Variants in MRPS22 observed in about 807,000 individuals in gnomAD.
MRPS22 encodes small ribosomal subunit protein mS22.
MRPS22 carries 30 observed loss-of-function variants against 44.0 expected under a neutral mutation model. That is an observed-to-expected ratio of 0.68 (90% confidence interval 0.51 to 0.93). The LOEUF (loss-of-function observed/expected upper bound fraction) is 0.93. MRPS22 is among the 40% of genes least tolerant of loss of function. MRPS22 has a pLI of 0.00. For missense variants in MRPS22, 447 were observed against 447.8 expected, an observed-to-expected ratio of 1.00 and a Z score of 0.02; for synonymous variants, 165 against 154.4, an observed-to-expected ratio of 1.07 and a Z score of -0.51.
intron 2 of MRPS22, among the ~76,000 whole-genome samples, chr3:139,347,950 G>A (rs1054885888): frequency 1.3e-5 from 2 of 152,182 alleles, no homozygotes; most frequent in Non-Finnish European, 2.9e-5. Context: ...TTTTGATAAC[G>A]GTTGAGTCTA....
intron 1 of MRPS22, among the ~76,000 whole-genome samples, chr3:139,346,178 C>G (rs901920311): frequency 6.6e-6 from 1 of 152,200 alleles, no homozygotes; most frequent in South Asian, 2.1e-4. Flanking sequence ...AGCCTCTTTC[C>G]TAGCTGCAAT....
intron 6 of MRPS22, among the ~76,000 whole-genome samples, chr3:139,353,920 AC>A (rs1423841744): frequency 6.6e-6 from 1 of 152,226 alleles, no homozygotes; most frequent in Non-Finnish European, 1.5e-5. Flanking sequence ...GTATGTTCTT[AC>A]AAAAAATTAG....
chr3:139,352,793 G>GT lies in MRPS22; in HGVS notation c.878+2dup, dbSNP rs760887292. 2.5e-6 allele frequency: 4 copies of GT among 1,612,792 alleles called. No homozygotes were observed. Among genetic ancestry groups the GT allele is most frequent in the Non-Finnish European group, 3.4e-6 (4 of 1,179,220 alleles). On this transcript the variant is annotated splice_donor_variant, in intron 6 of 7. Coordinates refer to ENST00000680020, the MANE Select transcript of MRPS22 (RefSeq NM_020191.4). LOFTEE classifies it high-confidence loss of function. ...TGATTGACCAGATTCAGAGAGATTTGTAAGTATGATCTTAGTAAGTGAAAG... is the reference window on the plus strand; with the variant it reads ...TGATTGACCAGATTCAGAGAGATTTGTTAAGTATGATCTTAGTAAGTGAAAG...
At position 139,352,934 on chromosome 3, in the gene MRPS22, A is replaced by G. The variant is rs529866896; in HGVS notation, c.878+142A>G. ...CAGTTTATGGATTTGTTCTTTTAGT[A>G]TAACCTAGCTCTCCTAGTTTTTGCT... is the stretch of plus-strand genomic sequence containing the variant. On this transcript the variant is annotated intron_variant, in intron 6 of 7. Coordinates refer to ENST00000680020, the MANE Select transcript of MRPS22 (RefSeq NM_020191.4). 6.6e-6 allele frequency: 6 copies of G among 908,926 alleles called. No individual in the cohort carries two copies. The Middle Eastern group carries it at 1.0e-3, about 154-fold the overall frequency. The allele number at this position is 908,926 out of a possible 1,614,324, so 56.3% of individuals were successfully genotyped here.
intron 1 of MRPS22, chr3:139,344,625 TA>T: frequency 1.5e-6 from 1 of 673,098 alleles, no homozygotes; most frequent in Admixed American, 2.3e-5. Flanking sequence ...TTAGCCATGC[TA>T]AGGAGAAAGC....
chr3:139,353,894 CTTTA>C (rs1271561301), intron 6 of MRPS22, among the ~76,000 whole-genome samples: 1 of 152,070 alleles, frequency 6.6e-6, no homozygotes, highest in Non-Finnish European at 1.5e-5. Flanking sequence ...TCTGAAATTG[CTTTA>C]TTATTAAAAC....
At chr3:139,347,573 C>T (rs1372419993) in intron 2 of MRPS22, among the ~76,000 whole-genome samples, 1 of 152,184 alleles carries the variant, frequency 6.6e-6, no homozygotes, top group African/African-American at 2.4e-5. Flanking sequence ...TAGTAGATTA[C>T]ATGAAGAGTA....
chr3:139,348,038 T>G (rs1332032859), intron 2 of MRPS22, 122 bp from the exon 3 acceptor site: 1 of 1,038,782 alleles, frequency 9.6e-7, no homozygotes, highest in Admixed American at 2.2e-5. Flanking sequence ...ACTCACTGAT[T>G]TGTGGCTACA....
chr3:139,350,240 G>T lies in MRPS22; in HGVS notation c.566G>T (p.Arg189Leu), dbSNP rs1192766845. The part of the protein sequence containing the change: ...GTLRKASWEE[R>L]DRMIQVYFPK... Reference sequence around the variant, plus strand: ...CTACGCAAAGCCTCTTGGGAAGAACGGGACCGAATGATACAAGTTTATTTC... The same window carrying T: ...CTACGCAAAGCCTCTTGGGAAGAACTGGACCGAATGATACAAGTTTATTTC... Residue 189 changes from arginine (R) to leucine (L), a missense_variant, in exon 4 of 8, where the codon CGG becomes CTG. By Grantham distance (102) the Arg-to-Leu change is moderately radical. Transcript: ENST00000680020. 34 of 1,613,910 alleles carry T rather than the reference G, an allele frequency of 2.1e-5. No individual in the cohort carries two copies. In the Admixed American group the frequency reaches 5.7e-4, roughly 27 times the overall value.
At position 139,352,802 on chromosome 3, in the gene MRPS22, ATC is replaced by A; in HGVS notation, c.878+12_878+13del. 2 of 1,611,996 alleles carry A rather than the reference ATC, an allele frequency of 1.2e-6. No individual in the cohort carries two copies. The highest frequency in any genetic ancestry group is 2.7e-5 in the African/African-American group (2 of 74,994). On this transcript the variant is annotated intron_variant, in intron 6 of 7. Transcript: ENST00000680020. ...AGATTCAGAGAGATTTGTAAGTATG[ATC>A]TTAGTAAGTGAAAGAATCATTCTTA... is the stretch of plus-strand genomic sequence containing the variant.
chr3:139,350,926 T>A, intron 4 of MRPS22, 51 bp from the exon 5 acceptor site: 1 of 1,454,738 alleles, frequency 6.9e-7, no homozygotes, highest in Non-Finnish European at 9.7e-7. Flanking sequence ...TCAGGACAGG[T>A]GCTGAACTTC....
chr3:139,352,805 T>G lies in MRPS22; in HGVS notation c.878+13T>G. On this transcript the variant is annotated intron_variant, in intron 6 of 7. Transcript: ENST00000680020. ...TTCAGAGAGATTTGTAAGTATGATC[T>G]TAGTAAGTGAAAGAATCATTCTTAT... 1 of 1,611,162 alleles carries G rather than the reference T, an allele frequency of 6.2e-7. No homozygotes were observed. Among genetic ancestry groups the G allele is most frequent in the Non-Finnish European group, 8.5e-7 (1 of 1,178,126 alleles).
intron 5 of MRPS22, 60 bp from the exon 6 acceptor site, chr3:139,352,587 G>T: frequency 2.0e-6 from 3 of 1,513,166 alleles, no homozygotes; most frequent in African/African-American, 2.7e-5. Flanking sequence ...AGTGTACGTT[G>T]AATAATGCTG....
At chr3:139,346,526 A>G (rs1242289194) in intron 1 of MRPS22, among the ~76,000 whole-genome samples, 1 of 152,168 alleles carries the variant, frequency 6.6e-6, no homozygotes, top group Non-Finnish European at 1.5e-5. Flanking sequence ...ATCAGTACCT[A>G]TTTTGTGAGT....
chr3:139,356,819 T>A, intron 7 of MRPS22, 100 bp from the exon 8 acceptor site: 1 of 817,934 alleles, frequency 1.2e-6, no homozygotes, highest in Non-Finnish European at 2.0e-6. Flanking sequence ...TAAGTAGGAC[T>A]CTTTGCTACT....
In MRPS22 at chr3:139,351,156, A is replaced by G. The variant is rs968665641; in HGVS notation, c.732+96A>G. On this transcript the variant is annotated intron_variant, in intron 5 of 7. Transcript: ENST00000680020. ...TGAATTTCGTTGTAAGTTTTGATAC[A>G]GGGGAAAGGGAAGAGAAATACCTGA... 8 of 904,004 alleles carry G rather than the reference A, an allele frequency of 8.8e-6. No homozygotes were observed. The Admixed American group carries it at 1.4e-4, about 16-fold the overall frequency. 56.0% of individuals were successfully genotyped at this position (904,004 alleles called of 1,614,324 possible).
intron 4 of MRPS22, 149 bp from the exon 5 acceptor site, chr3:139,350,828 G>A: frequency 4.2e-6 from 3 of 713,220 alleles, no homozygotes; most frequent in Non-Finnish European, 7.7e-6. Flanking sequence ...GAATCTAGGT[G>A]TGACAATTAC....
At chr3:139,348,497 C>G (rs1450909676) in intron 3 of MRPS22, 173 bp downstream of exon 3, 1 of 662,880 alleles carries the variant, frequency 1.5e-6, no homozygotes, top group Non-Finnish European at 2.7e-6. Context: ...CAGACCAGCC[C>G]CACATCATGG....
chr3:139,355,834 A>G (rs1342610220), intron 7 of MRPS22, 44 bp downstream of exon 7: 1 of 1,448,962 alleles, frequency 6.9e-7, no homozygotes. Context: ...GTGGTAATTG[A>G]GCTGGGAAAA....
Sources: gnomAD v4.1 joint callset for allele counts (sites outside exome capture counted in the v4.1 genomes callset) on GRCh38, gnomAD v4.1.1 for gene constraint, MANE v1.5 for transcripts, NCBI Gene and HGNC (gene_info 2026-07-23, HGNC 2026-07-21) for gene names.